Variants in BCO2 observed in about 807,000 individuals in gnomAD.
BCO2 encodes carotenoid-cleaving dioxygenase, mitochondrial.
In BCO2, 56 loss-of-function variants were observed where a neutral mutation model predicts 65.8. That is an observed-to-expected ratio of 0.85 (90% confidence interval 0.69 to 1.06). The LOEUF is 1.06. Ranked by LOEUF, BCO2 falls within the 50% of genes least tolerant of loss-of-function variation. The probability of loss-of-function intolerance (pLI) is 0.00; values close to 1 mark genes in which losing one functional copy is unlikely to be tolerated. For missense variants in BCO2, 675 were observed against 698.5 expected (o/e 0.97, Z 0.38); for synonymous variants, 233 against 242.3 (o/e 0.96, Z 0.36).
intron 8 of BCO2, among the ~76,000 whole-genome samples, chr11:112,209,379 T>C (rs2135391055): frequency 6.6e-6 from 1 of 152,344 alleles, no homozygotes; most frequent in African/African-American, 2.4e-5. Flanking sequence ...CTTTTTTCAC[T>C]TAGCAATATG....
At chr11:112,178,931 A>C (rs1323412906) in intron 1 of BCO2, among the ~76,000 whole-genome samples, 1 of 152,236 alleles carries the variant, frequency 6.6e-6, no homozygotes, top group South Asian at 2.1e-4. Flanking sequence ...GTTGGCATGT[A>C]GATTTATTCT....
intron 7 of BCO2, among the ~76,000 whole-genome samples, chr11:112,201,204 G>A (rs1227964429): frequency 2.0e-5 from 3 of 151,562 alleles, no homozygotes; most frequent in African/African-American, 7.3e-5. Flanking sequence ...CTGGAGTGCA[G>A]TGGGGAGATC....
intron 2 of BCO2, among the ~76,000 whole-genome samples, chr11:112,187,360 G>T (rs1250095623): frequency 6.6e-6 from 1 of 151,584 alleles, no homozygotes; most frequent in Non-Finnish European, 1.5e-5. Context: ...CCTGCTCATG[G>T]CCCAGTCCTG....
intron 2 of BCO2, among the ~76,000 whole-genome samples, chr11:112,193,267 C>T (rs567836619): frequency 2.0e-3 from 302 of 151,936 alleles, no homozygotes; most frequent in African/African-American, 6.8e-3. Flanking sequence ...CGTGAGCCAC[C>T]GCGCCCAGCC....
chr11:112,200,461 A>C, intron 6 of BCO2, 152 bp from the exon 7 acceptor site: 1 of 622,580 alleles, frequency 1.6e-6, no homozygotes, highest in East Asian at 3.0e-5. Context: ...CGTATAGTAA[A>C]GCTGGGAGAC....
chr11:112,201,893 C>G, intron 7 of BCO2, 130 bp from the exon 8 acceptor site: 1 of 688,802 alleles, frequency 1.5e-6, no homozygotes, highest in Non-Finnish European at 2.3e-6. Context: ...ATATACTGGA[C>G]CTGCCACTTC....
chr11:112,193,473 G>A lies in BCO2; in HGVS notation c.294-1G>A, dbSNP rs1329398124. 3 of 1,613,158 alleles carry A rather than the reference G, an allele frequency of 1.9e-6. 1 individual carries two copies. Among genetic ancestry groups the A allele is most frequent in the South Asian group, 2.2e-5 (2 of 91,006 alleles). On this transcript the variant is annotated splice_acceptor_variant, in intron 2 of 11. Transcript: ENST00000357685. LOFTEE classifies it high-confidence loss of function. ...ATTTATTTATTTTCTCCTGTTTGAA[G>A]GTACAATCATTGGTTTGATGGGATG...
chr11:112,180,970 A>T, intron 2 of BCO2: 1 of 1,215,192 alleles, frequency 8.2e-7, no homozygotes, highest in Non-Finnish European at 1.2e-6. Flanking sequence ...TTGTTTGTGA[A>T]GGAGAGCCAT....
Position 112,195,089 on chromosome 11 carries a change from T to G in BCO2, c.736+334T>G, listed in dbSNP as rs1223097603. ...AACTCTGTTAACCAAGTAGATAACT[T>G]TGTAACTCATTCATAATATGACAAA... On this transcript the variant is annotated intron_variant, in intron 5 of 11. Transcript: ENST00000357685. Among the ~76,000 whole-genome samples the G allele has an allele frequency of 2.0e-5, 3 of 152,236 alleles. No homozygotes were observed. The East Asian group carries it at 5.8e-4, about 29-fold the overall frequency.
At chr11:112,214,219 T>G (rs1859592598) in intron 9 of BCO2, among the ~76,000 whole-genome samples, 1 of 152,166 alleles carries the variant, frequency 6.6e-6, no homozygotes, top group Non-Finnish European at 1.5e-5. Flanking sequence ...CTATCTCGGC[T>G]CACTGCAGCC....
intron 7 of BCO2, 32 bp from the exon 8 acceptor site, chr11:112,201,991 A>T (rs200407992): frequency 2.2e-4 from 328 of 1,511,994 alleles, no homozygotes; most frequent in East Asian, 7.4e-4. Flanking sequence ...ACTAAAAAAA[A>T]TTTTTTTCAT....
intron 8 of BCO2, among the ~76,000 whole-genome samples, chr11:112,206,662 T>C (rs1373947025): frequency 3.3e-5 from 5 of 152,294 alleles, no homozygotes; most frequent in Admixed American, 1.3e-4. Context: ...GCAATTTTTT[T>C]CCCCAGCCCA....
intron 10 of BCO2, chr11:112,215,737 C>CAAA (rs71060233): frequency 2.0e-5 from 3 of 146,404 alleles, no homozygotes; most frequent in African/African-American, 2.5e-5. Context: ...AACAAAAAAA[C>CAAA]AAAAAAAAAC....
chr11:112,179,396 T>C lies in BCO2; in HGVS notation c.207T>C (p.Ser69=). 6.2e-7 allele frequency: 1 copy of C among 1,614,234 alleles called. No homozygotes were observed. The highest frequency in any genetic ancestry group is 8.5e-7 in the Non-Finnish European group (1 of 1,180,046). The change falls in exon 2 of 12, where the codon TCT becomes TCC. Residue 69 remains serine (S), a synonymous_variant. Transcript: ENST00000357685. ...TGGAAGAGGCTCCACGGGGCATCTC[T>C]GCTCGAGTCTGGGGACATTTTCCTA... The part of the protein sequence containing the change: ...TTVEEAPRGI[S]ARVWGHFPKW...
At position 112,199,684 on chromosome 11, in the gene BCO2, C is replaced by G. The variant is rs1344662597; in HGVS notation, c.737-15C>G. On this transcript the variant is annotated splice_polypyrimidine_tract_variant and intron_variant, in intron 5 of 11. Coordinates refer to ENST00000357685, the MANE Select transcript of BCO2 (RefSeq NM_031938.7). ...TATATGTAAAACAGGTAAGATAGGA[C>G]TTTTCATTTTTCAGGTTTCTCCTAT... The G allele has an allele frequency of 8.7e-6, 14 of 1,611,408 alleles. 1 individual carries two copies. The highest frequency in any genetic ancestry group is 5.3e-5 in the African/African-American group (4 of 74,790).
chr11:112,199,305 T>C (rs1867665240), intron 5 of BCO2, among the ~76,000 whole-genome samples: 1 of 152,226 alleles, frequency 6.6e-6, no homozygotes, highest in East Asian at 1.9e-4. Context: ...TTTTTATGGC[T>C]GCATAGTATT....
rs1592867397 is a variant in BCO2 at position 112,213,597 on chromosome 11, G to T, written c.1195-127G>T. 2.9e-6 allele frequency: 3 copies of T among 1,045,214 alleles called. No homozygotes were observed. In the African/African-American group the frequency reaches 4.8e-5, roughly 17 times the overall value. The allele number at this position is 1,045,214 out of a possible 1,614,324, so 64.7% of individuals were successfully genotyped here. A position where few individuals can be genotyped will look rare whatever the true frequency, so the allele number is the denominator to read the frequency against. On this transcript the variant is annotated intron_variant, in intron 8 of 11. Transcript: ENST00000357685. ...GGTACTCAACAAATATTAAGTAGAT[G>T]AATGAATGGAAATTATCATTTATTT... is the stretch of plus-strand genomic sequence containing the variant.
chr11:112,200,900 C>A, intron 7 of BCO2, 127 bp downstream of exon 7: 2 of 992,600 alleles, frequency 2.0e-6, no homozygotes, highest in Non-Finnish European at 3.0e-6. Context: ...AGGATATTAC[C>A]TTCTTCTATA....
chr11:112,200,499 T>G (rs1441632473), intron 6 of BCO2, 114 bp from the exon 7 acceptor site: 1 of 860,930 alleles, frequency 1.2e-6, no homozygotes, highest in Non-Finnish European at 1.8e-6. Context: ...GGCTGGCATT[T>G]GTTTAGGGCA....
Sources: gnomAD v4.1 joint callset for allele counts (sites outside exome capture counted in the v4.1 genomes callset) on GRCh38, gnomAD v4.1.1 for gene constraint, MANE v1.5 for transcripts, NCBI Gene and HGNC (gene_info 2026-07-23, HGNC 2026-07-21) for gene names.